PDZD2: variants seen among roughly 807,000 people sequenced by gnomAD.
The protein encoded by PDZD2 is PDZ domain containing 2.
In PDZD2, 90 loss-of-function variants were observed where a neutral mutation model predicts 220.7. That is an observed-to-expected ratio of 0.41 (90% CI 0.34 to 0.49). The LOEUF is 0.49. Ranked by LOEUF, PDZD2 falls within the 20% of genes least tolerant of loss-of-function variation. The pLI, the probability that PDZD2 is intolerant of heterozygous loss-of-function variation, is 0.28. For missense variants in PDZD2, 3,174 were observed against 3,608.5 expected (o/e 0.88, Z 3.08); for synonymous variants, 1,375 against 1,450.5 (o/e 0.95, Z 1.18).
intron 24 of PDZD2, among the ~76,000 whole-genome samples, chr5:32,103,004 T>C (rs1430287652): frequency 1.2e-4 from 18 of 152,070 alleles, no homozygotes; most frequent in Admixed American, 1.2e-3. Context: ...ACTAAATCCA[T>C]GTGAAGATAG....
intron 2 of PDZD2, chr5:31,855,187 A>C: frequency 8.1e-6 from 7 of 868,832 alleles, no homozygotes; most frequent in Non-Finnish European, 8.3e-6. Flanking sequence ...TCGGCTTCTC[A>C]GGCGAAAGCC....
At chr5:32,064,410 C>T (rs1740000741) in intron 14 of PDZD2, among the ~76,000 whole-genome samples, 1 of 151,608 alleles carries the variant, frequency 6.6e-6, no homozygotes, top group East Asian at 2.0e-4. Flanking sequence ...CTCAACTAAT[C>T]TTTTGTATTT....
chr5:31,887,551 T>C (rs751604600), intron 2 of PDZD2, among the ~76,000 whole-genome samples: 1 of 152,182 alleles, frequency 6.6e-6, no homozygotes, highest in Non-Finnish European at 1.5e-5. Context: ...GGAACCATTT[T>C]TACAGCAGAG....
intron 1 of PDZD2, among the ~76,000 whole-genome samples, chr5:31,674,156 T>C (rs1430199338): frequency 1.3e-5 from 2 of 152,114 alleles, no homozygotes; most frequent in Non-Finnish European, 2.9e-5. Context: ...CTACAGTACT[T>C]TGTGATAGCA....
In PDZD2 at chr5:32,090,065, C is replaced by T. The variant is rs778216663; in HGVS notation, c.6617C>T (p.Pro2206Leu). Reference protein sequence around the residue: ...GVPRNSIPGGPSGEDHLYFTP... With the variant: ...GVPRNSIPGGLSGEDHLYFTP... ...CCCAGAAACAGCATTCCAGGGGGCC[C>T]CTCGGGGGAGGACCATCTCTACTTC... The change falls in exon 20 of 25, where the codon CCC becomes CTC. Residue 2206 changes from proline to leucine, a missense_variant. Physicochemically the swap from Pro to Leu is moderately conservative, Grantham distance 98. Around this residue, in one of 4 missense-constraint regions of PDZD2, gnomAD observed 1,861 missense variants for 2,001.0 expected, o/e 0.93. Transcript: ENST00000438447. The surrounding 1 kb of genome is among the most constrained non-coding windows in gnomAD (Gnocchi z 4.3). 19 of 1,613,654 alleles carry T rather than the reference C, an allele frequency of 1.2e-5. No homozygotes were observed. Among genetic ancestry groups the T allele is most frequent in the African/African-American group, 5.3e-5 (4 of 75,060 alleles).
chr5:31,926,526 GAA>G (rs71300157), intron 2 of PDZD2, among the ~76,000 whole-genome samples: 146 of 83,990 alleles, frequency 1.7e-3, no homozygotes, highest in African/African-American at 4.6e-3. Context: ...AACTGCATCT[GAA>G]AAAAAAAAAA....
intron 3 of PDZD2, among the ~76,000 whole-genome samples, chr5:31,993,454 T>C (rs144964403): frequency 6.6e-6 from 1 of 152,220 alleles, no homozygotes; most frequent in Non-Finnish European, 1.5e-5. Context: ...TTGCTGCACA[T>C]CAATGACTGC....
intron 1 of PDZD2, among the ~76,000 whole-genome samples, chr5:31,772,469 G>T (rs1310137360): frequency 3.3e-5 from 5 of 152,202 alleles, no homozygotes; most frequent in African/African-American, 1.2e-4. Context: ...TCTCGCCATT[G>T]CCCCATCCGC....
chr5:31,954,123 T>TA (rs879829301), intron 2 of PDZD2, among the ~76,000 whole-genome samples: 77 of 145,862 alleles, frequency 5.3e-4, no homozygotes, highest in Admixed American at 2.1e-3. Flanking sequence ...CCCTGTCTCT[T>TA]AAAAAAAAAA....
At chr5:31,941,494 A>T (rs774915620) in intron 2 of PDZD2, among the ~76,000 whole-genome samples, 21 of 152,204 alleles carry the variant, frequency 1.4e-4, no homozygotes, top group Non-Finnish European at 2.4e-4. Context: ...AAAATAAAGG[A>T]TGCAGTTTGG....
At chr5:32,079,605 G>A (rs536543859) in intron 19 of PDZD2, among the ~76,000 whole-genome samples, 23 of 151,652 alleles carry the variant, frequency 1.5e-4, no homozygotes, top group Non-Finnish European at 2.8e-4. Flanking sequence ...TCAGGAGTTC[G>A]AGACCAGCCT....
intron 3 of PDZD2, among the ~76,000 whole-genome samples, chr5:31,984,604 C>T (rs1041573059): frequency 2.0e-5 from 3 of 152,104 alleles, no homozygotes; most frequent in African/African-American, 7.2e-5. Flanking sequence ...CAGCTTGTGA[C>T]TGTAGTCCCA....
intron 14 of PDZD2, among the ~76,000 whole-genome samples, chr5:32,063,234 G>A (rs1394981509): frequency 7.2e-5 from 11 of 151,838 alleles, no homozygotes; most frequent in African/African-American, 1.9e-4. Context: ...TAGTAGAGAC[G>A]GGGTTTCACC....
chr5:31,810,423 T>C (rs1274095140), intron 2 of PDZD2, among the ~76,000 whole-genome samples: 3 of 151,852 alleles, frequency 2.0e-5, no homozygotes, highest in Admixed American at 1.3e-4. Flanking sequence ...CCACCACGCC[T>C]CACTAAATTT....
Position 32,090,999 on chromosome 5 carries a change from C to A in PDZD2, c.7551C>A (p.Thr2517=). 1 of 1,613,880 alleles carries A rather than the reference C, an allele frequency of 6.2e-7. No homozygotes were observed. Among genetic ancestry groups the A allele is most frequent in the African/African-American group, 1.3e-5 (1 of 74,992 alleles). ...TCTTCAAAACTGAGCTGGAGATCAC[C>A]CCCAGGAGGTCACCTGGCCCTCCTG... ...AVLFKTELEI[T]PRRSPGPPAG... Residue 2517 remains threonine (T), a synonymous_variant, in exon 20 of 25, where the codon ACC becomes ACA. Coordinates refer to ENST00000438447, the MANE Select transcript of PDZD2 (RefSeq NM_178140.4). This position sits in a 1 kb window ranked among gnomAD's most constrained non-coding sequence, Gnocchi z 4.3.
chr5:31,752,303 C>G (rs1339224277), intron 1 of PDZD2, among the ~76,000 whole-genome samples: 2 of 151,966 alleles, frequency 1.3e-5, no homozygotes, highest in Non-Finnish European at 2.9e-5. Flanking sequence ...AATCCCAGCG[C>G]TTTGGGAGGC....
At chr5:31,859,153 C>T (rs1220043463) in intron 2 of PDZD2, among the ~76,000 whole-genome samples, 1 of 152,136 alleles carries the variant, frequency 6.6e-6, no homozygotes, top group Non-Finnish European at 1.5e-5. Flanking sequence ...CAGCAGCACC[C>T]ATTCCCTAGC....
At chr5:31,751,660 G>T (rs951943025) in intron 1 of PDZD2, among the ~76,000 whole-genome samples, 1 of 152,138 alleles carries the variant, frequency 6.6e-6, no homozygotes, top group Non-Finnish European at 1.5e-5. Flanking sequence ...GTCCCAGCTG[G>T]TGCTGCATTA....
chr5:32,018,220 A>G (rs1374527354), intron 6 of PDZD2, among the ~76,000 whole-genome samples: 1 of 152,192 alleles, frequency 6.6e-6, no homozygotes, highest in East Asian at 1.9e-4. Flanking sequence ...CCTCCTTGGC[A>G]GGTCTGAGTG....
Sources: allele counts gnomAD v4.1 joint callset (sites outside exome capture counted in the v4.1 genomes callset), GRCh38; gene constraint gnomAD v4.1.1; regional missense constraint gnomAD v4.1.1; non-coding constraint Gnocchi (gnomAD v3.1); transcripts MANE v1.5; gene names NCBI Gene and HGNC (gene_info 2026-07-23, HGNC 2026-07-21).